The following GDF6 variants were observed in gnomAD, a reference collection of about 807,000 sequenced individuals.
The protein encoded by GDF6 is growth differentiation factor 6.
Under a neutral mutation model 32.4 loss-of-function variants are expected in GDF6, and 3 were observed. The observed-to-expected ratio is 0.09, with a 90% CI of 0.04 to 0.24. The LOEUF (loss-of-function observed/expected upper bound fraction) is 0.24, where lower values mean the gene tolerates loss of function less well. Ranked by LOEUF, GDF6 falls within the 10% of genes least tolerant of loss-of-function variation. The probability of loss-of-function intolerance (pLI) is 1.00; values close to 1 mark genes in which losing one functional copy is unlikely to be tolerated. For missense variants in GDF6, 589 were observed against 637.9 expected, an observed-to-expected ratio of 0.92 and a Z score of 0.83; for synonymous variants, 296 against 295.3, an observed-to-expected ratio of 1.00 and a Z score of -0.03.
chr8:96,145,432 G>A lies in GDF6; in HGVS notation c.499C>T (p.Arg167Trp), dbSNP rs886063209. 6.3e-7 allele frequency: 1 copy of A among 1,594,220 alleles called. No individual in the cohort carries two copies. Among genetic ancestry groups the A allele is most frequent in the Non-Finnish European group, 8.5e-7 (1 of 1,178,020 alleles). Residue 167 changes from arginine to tryptophan, a missense_variant, in exon 2 of 2, where the codon CGG becomes TGG. Arg to Trp is a moderately radical substitution (Grantham distance 101, BLOSUM62 -3). Around this residue, in one of 2 missense-constraint regions of GDF6, gnomAD observed 436 missense variants for 411.2 expected, o/e 1.06. Transcript: ENST00000287020. The surrounding 1 kb of genome is among the most constrained non-coding windows in gnomAD (Gnocchi z 5.6). ...GCTGAGGGCGCCTGGCGAAAGAGCC[G>A]CAGCTCCGCGCCCACCAGCTCTTCT... Reference protein sequence around the residue: ...DKEELVGAELRLFRQAPSAPW... With the variant: ...DKEELVGAELWLFRQAPSAPW...
chr8:96,144,872 G>A lies in GDF6; in HGVS notation c.1059C>T (p.Arg353=). Reference sequence around the variant, plus strand: ...TCACGTGCAGGGGCTTCTTGCTGCAGCGTAGCCTGGACTTCTTGCCGTGCC... The same window carrying A: ...TCACGTGCAGGGGCTTCTTGCTGCAACGTAGCCTGGACTTCTTGCCGTGCC... ...GKRHGKKSRL[R]CSKKPLHVNF... The change falls in exon 2 of 2, where the codon CGC becomes CGT. Residue 353 remains arginine (R), a synonymous_variant. Transcript: ENST00000287020. This position sits in a 1 kb window ranked among gnomAD's most constrained non-coding sequence, Gnocchi z 5.1. 1 of 1,613,874 alleles carries A rather than the reference G, an allele frequency of 6.2e-7. No homozygotes were observed. Among genetic ancestry groups the A allele is most frequent in the Non-Finnish European group, 8.5e-7 (1 of 1,179,918 alleles).
chr8:96,144,972 G>T lies in GDF6; in HGVS notation c.959C>A (p.Pro320Gln). The part of the protein sequence containing the change: ...EGSWPPPSGA[P>Q]DARPWLPSPG... The stretch of plus-strand genomic sequence containing the variant: ...CGAGGGCAGCCAAGGCCTGGCATCC[G>T]GGGCGCCCGACGGCGGCGGCCACGA... Residue 320 changes from proline to glutamine, a missense_variant, in exon 2 of 2, where the codon CCG (proline) becomes CAG (glutamine). Pro to Gln is a moderately conservative substitution (Grantham distance 76). Around this residue, in one of 2 missense-constraint regions of GDF6, gnomAD observed 153 missense variants for 226.7 expected, o/e 0.67. Transcript: ENST00000287020. This position sits in a 1 kb window ranked among gnomAD's most constrained non-coding sequence, Gnocchi z 5.1. 2.2e-6 allele frequency: 3 copies of T among 1,392,480 alleles called. No individual in the cohort carries two copies. Among genetic ancestry groups the T allele is most frequent in the Non-Finnish European group, 2.8e-6 (3 of 1,079,284 alleles). 86.3% of individuals were successfully genotyped at this position (1,392,480 alleles called of 1,614,324 possible).
intron 1 of GDF6, 126 bp downstream of exon 1, chr8:96,160,161 T>G (rs947068536): frequency 3.0e-5 from 31 of 1,024,276 alleles, no homozygotes; most frequent in Middle Eastern, 4.9e-4. Context: ...AAAAACAATT[T>G]AAGAAAAGTA....
rs1563507872 is a variant in GDF6 at position 96,144,256 on chromosome 8, G to GAGAGAGAGAC, written c.*306_*307insGTCTCTCTCT. The GAGAGAGAGAC allele has an allele frequency of 4.7e-5, 18 of 385,002 alleles. No individual in the cohort carries two copies. Among genetic ancestry groups the GAGAGAGAGAC allele is most frequent in the African/African-American group, 3.6e-4 (15 of 41,352 alleles). 23.8% of individuals were successfully genotyped at this position (385,002 alleles called of 1,614,324 possible). A position where few individuals can be genotyped will look rare whatever the true frequency, so the allele number is the denominator to read the frequency against. On this transcript the variant is annotated 3_prime_UTR_variant, in exon 2 of 2. Coordinates refer to ENST00000287020, the MANE Select transcript of GDF6 (RefSeq NM_001001557.4). The surrounding 1 kb of genome is among the most constrained non-coding windows in gnomAD (Gnocchi z 5.1). The stretch of plus-strand genomic sequence containing the variant: ...AAAGCCACAGTAATAGAGAGAGAGA[G>GAGAGAGAGAC]AGAGAGAGAGAGAGAGAGAGAGAGA...
Position 96,145,645 on chromosome 8 carries a change from T to G in GDF6, c.407-121A>C. 8.2e-7 allele frequency: 1 copy of G among 1,213,362 alleles called. No individual in the cohort carries two copies. The highest frequency in any genetic ancestry group is 1.9e-5 in the Admixed American group (1 of 51,878). The allele number at this position is 1,213,362 out of a possible 1,614,324, so 75.2% of individuals were successfully genotyped here. A position where few individuals can be genotyped will look rare whatever the true frequency, so the allele number is the denominator to read the frequency against. ...GGGCAGGTCGGCCGGGCAGTCCAGC[T>G]TGCCCGGCCCAGGGCCTGACCACCC... On this transcript the variant is annotated intron_variant, in intron 1 of 1. Coordinates refer to ENST00000287020, the MANE Select transcript of GDF6 (RefSeq NM_001001557.4). This position sits in a 1 kb window ranked among gnomAD's most constrained non-coding sequence, Gnocchi z 5.6.
rs886063203 is a variant in GDF6 at position 96,144,284 on chromosome 8, GAGAGAGA to G, written c.*272_*278del. 2.8e-4 allele frequency: 133 copies of G among 480,652 alleles called. 1 individual carries two copies. Among genetic ancestry groups the G allele is most frequent in the African/African-American group, 2.4e-3 (108 of 45,050 alleles). 29.8% of individuals were successfully genotyped at this position (480,652 alleles called of 1,614,324 possible). A position where few individuals can be genotyped will look rare whatever the true frequency, so the allele number is the denominator to read the frequency against. Reference sequence around the variant, plus strand: ...AGAGAGAGAGAGAGAGAGAGAGAGAGAGAGAGAAAACAGAACAAAAGAAATCCTCCTT... The same window carrying G: ...AGAGAGAGAGAGAGAGAGAGAGAGAGAAACAGAACAAAAGAAATCCTCCTT... On this transcript the variant is annotated 3_prime_UTR_variant, in exon 2 of 2. Coordinates refer to ENST00000287020, the MANE Select transcript of GDF6 (RefSeq NM_001001557.4). This position sits in a 1 kb window ranked among gnomAD's most constrained non-coding sequence, Gnocchi z 5.1.
In GDF6 at chr8:96,143,180, AT is replaced by A. The variant is rs1177868035; in HGVS notation, c.*1382del. The A allele has an allele frequency of 6.6e-6, 1 of 152,422 alleles. No individual in the cohort carries two copies. 9.4% of individuals were successfully genotyped at this position (152,422 alleles called of 1,614,324 possible). On this transcript the variant is annotated 3_prime_UTR_variant, in exon 2 of 2. Transcript: ENST00000287020. ...TTCCCCATCTCCCACCCCAAGCTCA[AT>A]GTAACACTTGGCTCTTTTCACAGTT...
intron 1 of GDF6, among the ~76,000 whole-genome samples, chr8:96,159,653 C>T (rs1004370512): frequency 3.9e-5 from 6 of 152,240 alleles, no homozygotes; most frequent in Non-Finnish European, 7.3e-5. Flanking sequence ...GTTGAGGCCT[C>T]GGAGCAGCCG....
chr8:96,157,954 C>A (rs918564764), intron 1 of GDF6, among the ~76,000 whole-genome samples: 3 of 152,194 alleles, frequency 2.0e-5, no homozygotes, highest in African/African-American at 7.2e-5. Context: ...AACGCACCCC[C>A]TCCTCTGCGC....
chr8:96,157,472 CCTTTT>C (rs565731439), intron 1 of GDF6, among the ~76,000 whole-genome samples: 236 of 152,334 alleles, frequency 1.5e-3, no homozygotes, highest in Non-Finnish European at 2.6e-3. Flanking sequence ...GGGCTCCTTT[CCTTTT>C]CTTCGCTCCT....
At position 96,145,230 on chromosome 8, in the gene GDF6, C is replaced by A. The variant is rs748092776; in HGVS notation, c.701G>T (p.Arg234Leu). The A allele has an allele frequency of 9.2e-6, 14 of 1,515,740 alleles. No individual in the cohort carries two copies. In the Admixed American group the frequency reaches 1.6e-4, roughly 17 times the overall value. 93.9% of individuals were successfully genotyped at this position (1,515,740 alleles called of 1,614,324 possible). The stretch of plus-strand genomic sequence containing the variant: ...GGCGTCCAGCTCGCCCCATGCGGCC[C>A]GCAGCTCCAAGCACAGCTGCTTCCA... The part of the protein sequence containing the change: ...QPWKQLCLEL[R>L]AAWGELDAGE... Residue 234 changes from arginine (R) to leucine (L), a missense_variant, in exon 2 of 2, where the codon CGG becomes CTG. Physicochemically the swap from Arg to Leu is moderately radical, Grantham distance 102. Coordinates refer to ENST00000287020, the MANE Select transcript of GDF6 (RefSeq NM_001001557.4). This position sits in a 1 kb window ranked among gnomAD's most constrained non-coding sequence, Gnocchi z 5.6.
rs1563507899 is a variant in GDF6 at position 96,144,266 on chromosome 8, G to GAC, written c.*296_*297insGT. 8 of 444,172 alleles carry GAC rather than the reference G, an allele frequency of 1.8e-5. 1 individual carries two copies. Among genetic ancestry groups the GAC allele is most frequent in the African/African-American group, 1.8e-4 (8 of 44,698 alleles). 27.5% of individuals were successfully genotyped at this position (444,172 alleles called of 1,614,324 possible). ...TAATAGAGAGAGAGAGAGAGAGAGA[G>GAC]AGAGAGAGAGAGAGAGAGAGAGAGA... is the stretch of plus-strand genomic sequence containing the variant. On this transcript the variant is annotated 3_prime_UTR_variant, in exon 2 of 2. Transcript: ENST00000287020. The surrounding 1 kb of genome is among the most constrained non-coding windows in gnomAD (Gnocchi z 5.1).
chr8:96,154,287 C>T (rs1243065088), intron 1 of GDF6, among the ~76,000 whole-genome samples: 3 of 152,128 alleles, frequency 2.0e-5, no homozygotes, highest in Admixed American at 6.5e-5. Context: ...GCGCGCTTCC[C>T]TAGGAACGTT....
chr8:96,148,634 G>A (rs539082306), intron 1 of GDF6, among the ~76,000 whole-genome samples: 1 of 152,310 alleles, frequency 6.6e-6, no homozygotes, highest in East Asian at 1.9e-4. Context: ...CTAACTGGGG[G>A]TTGTCCTCTA....
In GDF6 at chr8:96,160,511, C is replaced by T. The variant is rs770207817; in HGVS notation, c.182G>A (p.Gly61Asp). ...CGGCTGTGGTTCCTGGCCCTCCCGG[C>T]CCGCGTCACTGTCGCGCGGCGCCCG... ...MQRAPRDSDAGREGQEPQPRP... is the reference protein window; with the variant it reads ...MQRAPRDSDADREGQEPQPRP... The change falls in exon 1 of 2, where the codon GGC becomes GAC. Residue 61 changes from glycine to aspartate, a missense_variant. Physicochemically the swap from Gly to Asp is moderately conservative, Grantham distance 94 (BLOSUM62 -1). Transcript: ENST00000287020. The T allele has an allele frequency of 6.2e-7, 1 of 1,613,038 alleles. No homozygotes were observed. Among genetic ancestry groups the T allele is most frequent in the East Asian group, 2.2e-5 (1 of 44,860 alleles).
chr8:96,148,341 G>A (rs1812516635), intron 1 of GDF6, among the ~76,000 whole-genome samples: 1 of 152,220 alleles, frequency 6.6e-6, no homozygotes, highest in South Asian at 2.1e-4. Context: ...GAACTGAATG[G>A]ATGAAGAGGC....
chr8:96,152,228 C>T (rs1295133154), intron 1 of GDF6, among the ~76,000 whole-genome samples: 4 of 152,214 alleles, frequency 2.6e-5, no homozygotes, highest in Non-Finnish European at 4.4e-5. Flanking sequence ...ACCTCATCAT[C>T]CCGATTCTTC....
At chr8:96,150,288 C>A (rs926452713) in intron 1 of GDF6, among the ~76,000 whole-genome samples, 21 of 152,216 alleles carry the variant, frequency 1.4e-4, no homozygotes, top group African/African-American at 4.8e-4. Context: ...CGCCACGCCT[C>A]CCAGCCATGT....
intron 1 of GDF6, among the ~76,000 whole-genome samples, chr8:96,150,257 A>T (rs947048775): frequency 3.3e-5 from 5 of 151,972 alleles, no homozygotes; most frequent in Admixed American, 1.3e-4. Flanking sequence ...GTGACCCTGG[A>T]TAGCTACTGG....
Sources: gnomAD v4.1 joint callset for allele counts (sites outside exome capture counted in the v4.1 genomes callset) on GRCh38, gnomAD v4.1.1 for gene constraint, gnomAD v4.1.1 regional missense constraint, Gnocchi (gnomAD v3.1) non-coding constraint, MANE v1.5 for transcripts, NCBI Gene and HGNC (gene_info 2026-07-23, HGNC 2026-07-21) for gene names.